Variants in EPB41L4A observed in about 807,000 individuals in gnomAD.
EPB41L4A encodes the protein erythrocyte membrane protein band 4.1 like 4A, also known as band 4.1-like protein 4A.
EPB41L4A carries 100 observed loss-of-function variants against 108.6 expected under a neutral mutation model. The ratio of observed to expected loss-of-function variants is 0.92; its 90% CI spans 0.78 to 1.09. EPB41L4A has a LOEUF of 1.09. EPB41L4A is among the 50% of genes least tolerant of loss of function. The pLI is 0.00. For missense variants in EPB41L4A, 1,030 were observed against 842.7 expected, an observed-to-expected ratio of 1.22 and a Z score of -2.75; for synonymous variants, 319 against 289.0, an observed-to-expected ratio of 1.10 and a Z score of -1.05.
intron 15 of EPB41L4A, among the ~76,000 whole-genome samples, chr5:112,196,227 A>G (rs17134226): frequency 6.6e-6 from 1 of 152,032 alleles, no homozygotes; most frequent in Non-Finnish European, 1.5e-5. Context: ...AACAGCTTCA[A>G]TGGGGCATCC....
At chr5:112,197,943 T>C (rs1298501600) in intron 15 of EPB41L4A, among the ~76,000 whole-genome samples, 1 of 152,220 alleles carries the variant, frequency 6.6e-6, no homozygotes, top group African/African-American at 2.4e-5. Context: ...TATCTGGGCA[T>C]AGACTCCTAA....
At chr5:112,204,975 A>C (rs1762402383) in intron 14 of EPB41L4A, among the ~76,000 whole-genome samples, 1 of 152,210 alleles carries the variant, frequency 6.6e-6, no homozygotes, top group Non-Finnish European at 1.5e-5. Context: ...ATAAGTTACA[A>C]CACAGGTCTG....
intron 4 of EPB41L4A, among the ~76,000 whole-genome samples, chr5:112,269,389 T>C (rs960793583): frequency 6.6e-6 from 1 of 152,180 alleles, no homozygotes; most frequent in African/African-American, 2.4e-5. Context: ...TTTTCATATG[T>C]TAAACATTTT....
chr5:112,238,459 G>A (rs1749521414), intron 11 of EPB41L4A, among the ~76,000 whole-genome samples: 2 of 152,156 alleles, frequency 1.3e-5, no homozygotes, highest in African/African-American at 4.8e-5. Flanking sequence ...TGAATGCACT[G>A]AACGTTTAAT....
intron 4 of EPB41L4A, among the ~76,000 whole-genome samples, chr5:112,272,333 G>A (rs1034383378): frequency 4.0e-5 from 6 of 151,638 alleles, no homozygotes; most frequent in Admixed American, 1.3e-4. Flanking sequence ...AGTAGAGACG[G>A]GGTTTCACTG....
chr5:112,418,116 C>A (rs1328109266), intron 1 of EPB41L4A, among the ~76,000 whole-genome samples: 1 of 152,142 alleles, frequency 6.6e-6, no homozygotes, highest in Admixed American at 6.5e-5. Flanking sequence ...CGATCTAAAA[C>A]TGAAAGAGAA....
chr5:112,286,283 C>A (rs750240795), intron 2 of EPB41L4A, among the ~76,000 whole-genome samples: 13 of 152,120 alleles, frequency 8.5e-5, no homozygotes, highest in Non-Finnish European at 1.6e-4. Context: ...ATGGGTAACT[C>A]CAATTCCCCG....
At chr5:112,327,240 T>G (rs1756231546) in intron 1 of EPB41L4A, among the ~76,000 whole-genome samples, 1 of 152,146 alleles carries the variant, frequency 6.6e-6, no homozygotes, top group Non-Finnish European at 1.5e-5. Context: ...AGAAAAGGCT[T>G]TGTTAAAAAA....
intron 18 of EPB41L4A, chr5:112,183,225 T>C (rs1029099924): frequency 2.0e-5 from 3 of 152,328 alleles, no homozygotes; most frequent in African/African-American, 7.2e-5. Context: ...ACCTACCCAG[T>C]CTCTACCTCC....
chr5:112,259,140 G>C, intron 9 of EPB41L4A, 89 bp downstream of exon 9: 1 of 1,039,258 alleles, frequency 9.6e-7, no homozygotes, highest in Non-Finnish European at 1.5e-6. Flanking sequence ...AGCAGCTGAA[G>C]AAAACATTTC....
chr5:112,259,705 T>C (rs2150437182), intron 8 of EPB41L4A, among the ~76,000 whole-genome samples, 186 bp downstream of exon 8: 1 of 152,304 alleles, frequency 6.6e-6, no homozygotes, highest in Middle Eastern at 3.4e-3. Flanking sequence ...AGAATCACAG[T>C]GTCTGAAATT....
intron 1 of EPB41L4A, among the ~76,000 whole-genome samples, chr5:112,415,844 G>A (rs1158127642): frequency 2.0e-5 from 3 of 152,146 alleles, no homozygotes; most frequent in Non-Finnish European, 4.4e-5. Flanking sequence ...CTCGGATAAG[G>A]TTCAAACTGT....
intron 12 of EPB41L4A, among the ~76,000 whole-genome samples, chr5:112,232,887 AG>A (rs1432793588): frequency 6.6e-6 from 1 of 152,202 alleles, no homozygotes; most frequent in Non-Finnish European, 1.5e-5. Context: ...TATCTGTGAA[AG>A]GACACTGGAG....
At position 112,209,994 on chromosome 5, in the gene EPB41L4A, G is replaced by C. The variant is rs370387842; in HGVS notation, c.1088-12C>G. On this transcript the variant is annotated splice_polypyrimidine_tract_variant and intron_variant, in intron 12 of 22. Coordinates refer to ENST00000261486, the MANE Select transcript of EPB41L4A (RefSeq NM_022140.5). The stretch of plus-strand genomic sequence containing the variant: ...GATGCTGTTTGATTCTAGCAGAGGA[G>C]GAGAAGGAAAGATGGAAGAGAGAGG... 4.7e-6 allele frequency: 7 copies of C among 1,474,662 alleles called. 1 individual carries two copies. The highest frequency in any genetic ancestry group is 1.7e-4 in the Middle Eastern group (1 of 5,744). 91.3% of individuals were successfully genotyped at this position (1,474,662 alleles called of 1,614,324 possible).
chr5:112,332,845 G>A (rs1756654911), intron 1 of EPB41L4A, among the ~76,000 whole-genome samples: 1 of 152,096 alleles, frequency 6.6e-6, no homozygotes, highest in East Asian at 1.9e-4. Context: ...ACTTTTTGTG[G>A]CTATTTATAA....
chr5:112,375,371 A>T lies in EPB41L4A; in HGVS notation c.99+43570T>A, dbSNP rs548463901. Among the ~76,000 whole-genome samples, 1,143 of 140,848 alleles carry T rather than the reference A, an allele frequency of 8.1e-3. 20 individuals are homozygous for T. The highest frequency in any genetic ancestry group is 0.031 in the African/African-American group (1,068 of 34,196). 92.4% of individuals were successfully genotyped at this position (140,848 alleles called of 152,430 possible). On this transcript the variant is annotated intron_variant, in intron 1 of 22. Coordinates refer to ENST00000261486, the MANE Select transcript of EPB41L4A (RefSeq NM_022140.5). ...CACACACACACCCCTTCCTCTATTTAAAAAAAAAAGCTACCTAAAACAGAA... is the reference window on the plus strand; with the variant it reads ...CACACACACACCCCTTCCTCTATTTTAAAAAAAAAGCTACCTAAAACAGAA...
intron 18 of EPB41L4A, among the ~76,000 whole-genome samples, chr5:112,173,014 T>C (rs1177607549): frequency 6.6e-6 from 1 of 152,166 alleles, no homozygotes; most frequent in African/African-American, 2.4e-5. Context: ...CAGCCAAAAA[T>C]GTCTGTAGAC....
At chr5:112,276,817 T>C (rs1360601579) in intron 3 of EPB41L4A, among the ~76,000 whole-genome samples, 1 of 152,220 alleles carries the variant, frequency 6.6e-6, no homozygotes, top group Non-Finnish European at 1.5e-5. Flanking sequence ...TGCAGCACCC[T>C]GGAACCCTGT....
At chr5:112,356,537 T>C (rs1758370833) in intron 1 of EPB41L4A, among the ~76,000 whole-genome samples, 2 of 152,242 alleles carry the variant, frequency 1.3e-5, no homozygotes, top group African/African-American at 4.8e-5. Flanking sequence ...AGTGCTTTAA[T>C]AATATGCAAG....
Sources: gnomAD v4.1 joint callset for allele counts (sites outside exome capture counted in the v4.1 genomes callset) on GRCh38, gnomAD v4.1.1 for gene constraint, MANE v1.5 for transcripts, NCBI Gene and HGNC (gene_info 2026-07-23, HGNC 2026-07-21) for gene names.